Variants in ABL1 observed in about 807,000 individuals in gnomAD.
The protein encoded by ABL1 is tyrosine-protein kinase ABL1.
A neutral mutation model predicts 94.7 loss-of-function variants in ABL1; 11 were observed. That is an observed-to-expected ratio of 0.12 (90% CI 0.07 to 0.19). The LOEUF is 0.19. ABL1 is among the 10% of genes least tolerant of loss of function. The pLI is 1.00. For synonymous variants in ABL1, 656 were observed against 622.4 expected (o/e 1.05, Z -0.80); for missense variants, 1,082 against 1,489.4 (o/e 0.73, Z 4.50).
At chr9:130,785,521 A>G (rs1038924665) in intron 1 of ABL1, among the ~76,000 whole-genome samples, 1 of 152,102 alleles carries the variant, frequency 6.6e-6, no homozygotes. Context: ...TCTTCACTCT[A>G]CCTGCCCTTT....
At chr9:130,867,322 T>C (rs1250160072) in intron 4 of ABL1, among the ~76,000 whole-genome samples, 1 of 152,238 alleles carries the variant, frequency 6.6e-6, no homozygotes, top group East Asian at 1.9e-4. Flanking sequence ...CTTATTGATA[T>C]ACATAAGGTT....
chr9:130,770,255 C>T (rs1832236872), intron 1 of ABL1, among the ~76,000 whole-genome samples: 1 of 151,962 alleles, frequency 6.6e-6, no homozygotes, highest in Non-Finnish European at 1.5e-5. Flanking sequence ...GCCAGTAATC[C>T]CAATGCTTTG....
chr9:130,715,802 C>T (rs1246120852), intron 1 of ABL1, among the ~76,000 whole-genome samples: 1 of 152,146 alleles, frequency 6.6e-6, no homozygotes, highest in African/African-American at 2.4e-5. Flanking sequence ...GTGTAGTTCC[C>T]TGTGTGTCCC....
intron 1 of ABL1, among the ~76,000 whole-genome samples, chr9:130,809,381 T>TGAGAGAGAGA (rs370101656): frequency 8.1e-4 from 108 of 132,664 alleles, no homozygotes; most frequent in South Asian, 4.7e-3. Flanking sequence ...TGAAGGTTCT[T>TGAGAGAGAGA]GAGAGAGAGA....
chr9:130,816,895 G>C (rs1012492621), intron 1 of ABL1, among the ~76,000 whole-genome samples: 6 of 152,216 alleles, frequency 3.9e-5, no homozygotes, highest in Middle Eastern at 6.8e-3. Flanking sequence ...GTAGAGGCAG[G>C]GTTTCACCAT....
chr9:130,859,275 A>G (rs1417926180), intron 3 of ABL1, among the ~76,000 whole-genome samples: 1 of 152,150 alleles, frequency 6.6e-6, no homozygotes, highest in African/African-American at 2.4e-5. Flanking sequence ...AAATTTGCCC[A>G]GTTGACATTT....
intron 1 of ABL1, among the ~76,000 whole-genome samples, chr9:130,779,582 T>C (rs1323881923): frequency 6.6e-6 from 1 of 152,148 alleles, no homozygotes; most frequent in East Asian, 1.9e-4. Context: ...CCCTTTATGC[T>C]TGGGGAGGGG....
At chr9:130,873,345 G>A (rs1185521324) in intron 6 of ABL1, among the ~76,000 whole-genome samples, 1 of 152,200 alleles carries the variant, frequency 6.6e-6, no homozygotes, top group Non-Finnish European at 1.5e-5. Flanking sequence ...GTTCATAAAA[G>A]GCGTCCTTCC....
intron 1 of ABL1, among the ~76,000 whole-genome samples, chr9:130,744,773 C>T (rs1257605165): frequency 6.8e-6 from 1 of 147,244 alleles, no homozygotes; most frequent in African/African-American, 2.5e-5. Flanking sequence ...AGGAGAATGG[C>T]GTGAACCCAG....
At chr9:130,724,849 C>A in intron 1 of ABL1, 1 of 476,228 alleles carries the variant, frequency 2.1e-6, no homozygotes, top group Non-Finnish European at 4.2e-6. Flanking sequence ...TATGGAAATC[C>A]ACGCCGCTTC....
chr9:130,759,054 CT>C (rs1049785647), intron 1 of ABL1, among the ~76,000 whole-genome samples: 1 of 152,140 alleles, frequency 6.6e-6, no homozygotes, highest in African/African-American at 2.4e-5. Context: ...ATAAAATCCA[CT>C]TTTTGTCGCA....
intron 1 of ABL1, among the ~76,000 whole-genome samples, chr9:130,852,862 G>GT (rs1398860269): frequency 6.6e-6 from 1 of 152,006 alleles, no homozygotes; most frequent in Non-Finnish European, 1.5e-5. Flanking sequence ...TTGCCACAAG[G>GT]TTAAAAAAAA....
intron 1 of ABL1, among the ~76,000 whole-genome samples, chr9:130,734,627 T>A (rs1302173021): frequency 6.6e-6 from 1 of 151,580 alleles, no homozygotes; most frequent in Admixed American, 6.6e-5. Flanking sequence ...GTTCAGGCAA[T>A]TCTCCTGCCT....
intron 1 of ABL1, among the ~76,000 whole-genome samples, chr9:130,822,263 C>T (rs1442654598): frequency 6.6e-6 from 1 of 152,100 alleles, no homozygotes; most frequent in African/African-American, 2.4e-5. Context: ...TGAGCCACCA[C>T]GACCGGTCAA....
chr9:130,725,163 A>G (rs1419632849), intron 1 of ABL1: 3 of 163,950 alleles, frequency 1.8e-5, no homozygotes, highest in Admixed American at 6.1e-5. Flanking sequence ...TGATGCAGTC[A>G]TCATCACTAT....
Position 130,872,280 on chromosome 9 carries a change from G to A in ABL1, c.907+67G>A. ...ACCCCCAGGGTGACACAGGCGCTGGGGAAGACGCACGGGCGGCTCACTGCA... is the reference window on the plus strand; with the variant it reads ...ACCCCCAGGGTGACACAGGCGCTGGAGAAGACGCACGGGCGGCTCACTGCA... On this transcript the variant is annotated intron_variant, in intron 5 of 10. Transcript: ENST00000318560. The surrounding 1 kb of genome is among the most constrained non-coding windows in gnomAD (Gnocchi z 5.0). The A allele has an allele frequency of 1.4e-6, 2 of 1,465,028 alleles. No homozygotes were observed. Among genetic ancestry groups the A allele is most frequent in the Admixed American group, 1.8e-5 (1 of 54,678 alleles). The allele number at this position is 1,465,028 out of a possible 1,614,324, so 90.8% of individuals were successfully genotyped here. A position where few individuals can be genotyped will look rare whatever the true frequency, so the allele number is the denominator to read the frequency against.
At chr9:130,806,310 C>T (rs1035928616) in intron 1 of ABL1, among the ~76,000 whole-genome samples, 1 of 152,148 alleles carries the variant, frequency 6.6e-6, no homozygotes, top group Non-Finnish European at 1.5e-5. Flanking sequence ...CAGTCTGGCT[C>T]TTCTTTTGAG....
intron 1 of ABL1, among the ~76,000 whole-genome samples, chr9:130,792,304 A>G (rs560452825): frequency 1.3e-5 from 2 of 152,174 alleles, no homozygotes; most frequent in African/African-American, 4.8e-5. Context: ...TGTTTGCTCA[A>G]CTAGAGGATT....
intron 1 of ABL1, among the ~76,000 whole-genome samples, chr9:130,805,803 G>A (rs1830117161): frequency 6.6e-6 from 1 of 152,156 alleles, no homozygotes; most frequent in African/African-American, 2.4e-5. Flanking sequence ...TTATTAAGTA[G>A]GGGGATGAAG....
Sources: gnomAD v4.1 joint callset for allele counts (sites outside exome capture counted in the v4.1 genomes callset) on GRCh38, gnomAD v4.1.1 for gene constraint, Gnocchi (gnomAD v3.1) non-coding constraint, MANE v1.5 for transcripts, NCBI Gene and HGNC (gene_info 2026-07-23, HGNC 2026-07-21) for gene names.